NIPAL2: variants seen among roughly 807,000 people sequenced by gnomAD.
NIPAL2 encodes the protein NIPA like domain containing 2.
In NIPAL2, 43 loss-of-function variants were observed where a neutral mutation model predicts 48.9. That is an observed-to-expected ratio of 0.88 (90% CI 0.69 to 1.13). The LOEUF (loss-of-function observed/expected upper bound fraction) is 1.13. Ranked by LOEUF, NIPAL2 falls within the 50% of genes most tolerant of loss-of-function variation. The pLI is 0.00. For synonymous variants in NIPAL2, 167 were observed against 174.6 expected (o/e 0.96, Z 0.34); for missense variants, 446 against 461.4 (o/e 0.97, Z 0.31).
intron 3 of NIPAL2, 107 bp from the exon 4 acceptor site, chr8:98,236,321 G>T: frequency 3.0e-6 from 2 of 667,994 alleles, no homozygotes; most frequent in Non-Finnish European, 5.2e-6. Context: ...GATGAGCTAT[G>T]TCCTGATCAG....
At chr8:98,259,265 C>T (rs1005417436) in intron 1 of NIPAL2, among the ~76,000 whole-genome samples, 6 of 150,726 alleles carry the variant, frequency 4.0e-5, no homozygotes, top group East Asian at 2.0e-4. Flanking sequence ...TTAGTAGAGA[C>T]GGGGTTTCAC....
chr8:98,283,631 G>A (rs1357958238), intron 1 of NIPAL2, among the ~76,000 whole-genome samples: 1 of 152,072 alleles, frequency 6.6e-6, no homozygotes, highest in Non-Finnish European at 1.5e-5. Context: ...CCTTTTGCAG[G>A]CCCAGCCCAG....
Position 98,240,898 on chromosome 8 carries a change from G to A in NIPAL2, c.377-4684C>T, listed in dbSNP as rs114293663. On this transcript the variant is annotated intron_variant, in intron 3 of 10. Transcript: ENST00000430223. ...GTTGCTCTGTCCAGAACCAGCTATG[G>A]AATACAGCACATGTTAATGTGCTAG... is the stretch of plus-strand genomic sequence containing the variant. 6.9e-3 allele frequency among the ~76,000 whole-genome samples: 1,045 copies of A among 152,340 alleles called. 14 individuals carry two copies. Among genetic ancestry groups the A allele is most frequent in the African/African-American group, 0.021 (890 of 41,562 alleles).
intron 3 of NIPAL2, among the ~76,000 whole-genome samples, chr8:98,238,307 T>C (rs1417012017): frequency 6.6e-6 from 1 of 152,260 alleles, no homozygotes; most frequent in Non-Finnish European, 1.5e-5. Flanking sequence ...TATCATAAAA[T>C]AATATCATCC....
chr8:98,200,365 T>A (rs1040488749), intron 8 of NIPAL2, among the ~76,000 whole-genome samples: 1 of 152,212 alleles, frequency 6.6e-6, no homozygotes, highest in African/African-American at 2.4e-5. Flanking sequence ...ATATCGCATA[T>A]AAGTGGAATC....
chr8:98,197,501 C>A (rs1419942377), intron 8 of NIPAL2, among the ~76,000 whole-genome samples: 2 of 152,082 alleles, frequency 1.3e-5, no homozygotes, highest in African/African-American at 4.8e-5. Flanking sequence ...TTTGCCACAT[C>A]GATTAACTCT....
chr8:98,243,311 A>AGGAAACGTACACTTG (rs1417300785), intron 3 of NIPAL2, among the ~76,000 whole-genome samples: 3 of 152,200 alleles, frequency 2.0e-5, no homozygotes, highest in Non-Finnish European at 4.4e-5. Flanking sequence ...GGTTCATATA[A>AGGAAACGTACACTTG]GGAAACGTAC....
intron 1 of NIPAL2, among the ~76,000 whole-genome samples, chr8:98,291,363 C>G (rs964247948): frequency 6.6e-6 from 1 of 152,184 alleles, no homozygotes. Flanking sequence ...GTGCCCTACA[C>G]TGTGCATGCC....
chr8:98,285,159 A>T (rs558579440), intron 1 of NIPAL2, among the ~76,000 whole-genome samples: 1 of 152,216 alleles, frequency 6.6e-6, no homozygotes, highest in African/African-American at 2.4e-5. Flanking sequence ...GGAGCCGCTC[A>T]TGTGAGCCAG....
intron 10 of NIPAL2, 23 bp downstream of exon 10, chr8:98,194,705 C>A: frequency 7.4e-7 from 1 of 1,357,660 alleles, no homozygotes; most frequent in Non-Finnish European, 1.0e-6. Context: ...AAATTTTCCA[C>A]TATAAAGAAT....
At chr8:98,270,996 A>T (rs1815090433) in intron 1 of NIPAL2, among the ~76,000 whole-genome samples, 1 of 152,152 alleles carries the variant, frequency 6.6e-6, no homozygotes, top group Non-Finnish European at 1.5e-5. Context: ...GTCAAAGATC[A>T]GTTGGTTGTA....
chr8:98,193,224 T>C (rs1810380749), intron 10 of NIPAL2, 134 bp from the exon 11 acceptor site: 2 of 1,052,156 alleles, frequency 1.9e-6, no homozygotes, highest in Admixed American at 1.8e-5. Context: ...AGAGAAGAGA[T>C]GAATATCAAG....
chr8:98,190,878 C>T lies in NIPAL2; in HGVS notation c.*2100G>A, dbSNP rs954466494. On this transcript the variant is annotated 3_prime_UTR_variant, in exon 11 of 11. Coordinates refer to ENST00000430223, the MANE Select transcript of NIPAL2 (RefSeq NM_001321635.2). ...TCAACTCACAATGCCAAGAGAAGGA[C>T]TGAGTTGGCTTTAGTTGTTGTCATG... 16 of 152,206 alleles carry T rather than the reference C, an allele frequency of 1.1e-4. No homozygotes were observed. The highest frequency in any genetic ancestry group is 3.6e-4 in the African/African-American group (15 of 41,448). 9.4% of individuals were successfully genotyped at this position (152,206 alleles called of 1,614,324 possible).
intron 4 of NIPAL2, among the ~76,000 whole-genome samples, chr8:98,224,175 T>C (rs773990481): frequency 8.5e-5 from 13 of 152,202 alleles, no homozygotes; most frequent in Non-Finnish European, 1.9e-4. Flanking sequence ...CACATGTATA[T>C]GGCAAAATTC....
Position 98,192,694 on chromosome 8 carries a change from T to A in NIPAL2, c.*284A>T. The A allele has an allele frequency of 2.6e-6, 1 of 384,924 alleles. No homozygotes were observed. The highest frequency in any genetic ancestry group is 4.7e-6 in the Non-Finnish European group (1 of 211,328). The allele number at this position is 384,924 out of a possible 1,614,324, so 23.8% of individuals were successfully genotyped here. The stretch of plus-strand genomic sequence containing the variant: ...GCAAATGTATGTTTCTGTGCAACAT[T>A]CCTGCTAGAGCAGCCGGGCTCTGAG... On this transcript the variant is annotated 3_prime_UTR_variant, in exon 11 of 11. Coordinates refer to ENST00000430223, the MANE Select transcript of NIPAL2 (RefSeq NM_001321635.2).
intron 1 of NIPAL2, among the ~76,000 whole-genome samples, chr8:98,259,796 C>T (rs1269436640): frequency 6.6e-6 from 1 of 152,204 alleles, no homozygotes; most frequent in African/African-American, 2.4e-5. Flanking sequence ...AGTCAATGTC[C>T]AACCCCAGAG....
intron 3 of NIPAL2, among the ~76,000 whole-genome samples, chr8:98,239,042 G>A (rs1185451490): frequency 6.6e-6 from 1 of 152,140 alleles, no homozygotes; most frequent in Non-Finnish European, 1.5e-5. Flanking sequence ...TAAAAAATAG[G>A]TGAAGTGTCG....
intron 6 of NIPAL2, among the ~76,000 whole-genome samples, chr8:98,212,044 T>C (rs1811346302): frequency 6.6e-6 from 1 of 152,134 alleles, no homozygotes; most frequent in South Asian, 2.1e-4. Flanking sequence ...ATATAAATAG[T>C]ATAGGTCTTG....
At chr8:98,197,083 T>A (rs1249604209) in intron 8 of NIPAL2, among the ~76,000 whole-genome samples, 1 of 130,930 alleles carries the variant, frequency 7.6e-6, no homozygotes, top group East Asian at 2.5e-4. Context: ...TTTTTTCTCT[T>A]TTTTTTTTTT....
Sources: gnomAD v4.1 joint callset for allele counts (sites outside exome capture counted in the v4.1 genomes callset) on GRCh38, gnomAD v4.1.1 for gene constraint, MANE v1.5 for transcripts, NCBI Gene and HGNC (gene_info 2026-07-23, HGNC 2026-07-21) for gene names.